The following LRRC51 variants were observed in gnomAD, a reference collection of about 807,000 sequenced individuals.
The protein encoded by LRRC51 is leucine-rich repeat-containing protein 51.
In LRRC51, 8 loss-of-function variants were observed where a neutral mutation model predicts 17.8. The observed-to-expected ratio is 0.45, with a 90% CI of 0.26 to 0.81. The LOEUF (loss-of-function observed/expected upper bound fraction) is 0.81, where lower values mean the gene tolerates loss of function less well. Among genes scored for constraint, LRRC51 ranks in the 30% least tolerant of loss-of-function variants. The probability of loss-of-function intolerance (pLI) is 0.17; values close to 1 mark genes in which losing one functional copy is unlikely to be tolerated. For missense variants in LRRC51, 233 were observed against 239.3 expected, an observed-to-expected ratio of 0.97 and a Z score of 0.17; for synonymous variants, 92 against 96.0, an observed-to-expected ratio of 0.96 and a Z score of 0.24.
intron 2 of LRRC51, 162 bp from the exon 3 acceptor site, chr11:72,088,867 T>C (rs1248344272): frequency 8.1e-6 from 6 of 742,138 alleles, no homozygotes; most frequent in Non-Finnish European, 6.5e-6. Flanking sequence ...TAGAAAGTGC[T>C]CTATACATGC....
At chr11:72,086,580 A>G in intron 1 of LRRC51, 1 of 645,730 alleles carries the variant, frequency 1.5e-6, no homozygotes, top group Non-Finnish European at 2.8e-6. Context: ...TATGTTGGAT[A>G]ATGAATAAGA....
At position 72,096,761 on chromosome 11, in the gene LRRC51, G is replaced by C. The variant is rs751630162; in HGVS notation, c.*1241G>C. On this transcript the variant is annotated 3_prime_UTR_variant, in exon 6 of 6. Transcript: ENST00000289488. ...GTAGAGATGCCTCACAGGCCTCCAT[G>C]ACAGGCCAAGAAGATGGCCTATGAT... is the stretch of plus-strand genomic sequence containing the variant. 6.7e-7 allele frequency: 1 copy of C among 1,483,954 alleles called. No homozygotes were observed. Among genetic ancestry groups the C allele is most frequent in the South Asian group, 1.3e-5 (1 of 74,412 alleles). 91.9% of individuals were successfully genotyped at this position (1,483,954 alleles called of 1,614,324 possible). A position where few individuals can be genotyped will look rare whatever the true frequency, so the allele number is the denominator to read the frequency against.
chr11:72,088,086 T>C (rs551693443), intron 1 of LRRC51, among the ~76,000 whole-genome samples: 2 of 152,308 alleles, frequency 1.3e-5, no homozygotes, highest in East Asian at 1.9e-4. Context: ...CCTTGTCAAT[T>C]TGTCTTTTGC....
At chr11:72,088,239 A>G in intron 1 of LRRC51, 58 bp from the exon 2 acceptor site, 1 of 630,720 alleles carries the variant, frequency 1.6e-6, no homozygotes, top group Non-Finnish European at 2.9e-6. Context: ...CGATCTGATA[A>G]GACAATTCAC....
At chr11:72,091,777 G>C (rs1944877982) in intron 3 of LRRC51, among the ~76,000 whole-genome samples, 1 of 152,066 alleles carries the variant, frequency 6.6e-6, no homozygotes, top group Admixed American at 6.5e-5. Flanking sequence ...GTAGAGACGG[G>C]GTTTCATGAT....
chr11:72,095,045 TC>T lies in LRRC51; in HGVS notation c.388del (p.Arg130ValfsTer3), dbSNP rs886048628. ...AATAAGCTGGCTGTCCTTCCTCGGCTCCGTAGCCTGACACTCCATGGGAACC... is the reference window on the plus strand; with the variant it reads ...AATAAGCTGGCTGTCCTTCCTCGGCTCGTAGCCTGACACTCCATGGGAACC... Reference protein sequence around the residue: ...EVNKLAVLPRLRSLTLHGNPM... With the variant: ...EVNKLAVLPRXRSLTLHGNPM... On this transcript the variant is annotated frameshift_variant, in exon 5 of 6. Coordinates refer to ENST00000289488, the MANE Select transcript of LRRC51 (RefSeq NM_145309.6). LOFTEE classifies it high-confidence loss of function. 2 of 1,613,776 alleles carry T rather than the reference TC, an allele frequency of 1.2e-6. No individual in the cohort carries two copies. The highest frequency in any genetic ancestry group is 2.2e-5 in the East Asian group (1 of 44,870).
intron 4 of LRRC51, 54 bp from the exon 5 acceptor site, chr11:72,094,894 G>C: frequency 6.2e-7 from 1 of 1,614,186 alleles, no homozygotes; most frequent in African/African-American, 1.3e-5. Flanking sequence ...GCCCTGAGCA[G>C]AGATTCAGGG....
rs1363767803 is a variant in LRRC51, at chr11:72,096,730, G to A, written c.*1210G>A. 16 of 1,540,400 alleles carry A rather than the reference G, an allele frequency of 1.0e-5. No homozygotes were observed. Among genetic ancestry groups the A allele is most frequent in the Non-Finnish European group, 1.4e-5 (16 of 1,141,240 alleles). ...TTTCCAAACTCTTCACAGAGTACCA[G>A]GGTCTGTAGAGATGCCTCACAGGCC... On this transcript the variant is annotated 3_prime_UTR_variant, in exon 6 of 6. Transcript: ENST00000289488.
rs1019677861 is a variant in LRRC51 at position 72,091,390 on chromosome 11, A to G, written c.83-2106A>G. ...TACCCTCCTGCAACCCCAGGCCCCA[A>G]TTGTGGGTCCTGCTCACTCTAGGAT... On this transcript the variant is annotated intron_variant, in intron 3 of 5. Transcript: ENST00000289488. 1.2e-4 allele frequency among the ~76,000 whole-genome samples: 19 copies of G among 152,170 alleles called. 1 individual carries two copies. The East Asian group carries it at 1.5e-3, about 12-fold the overall frequency.
chr11:72,096,661 G>T lies in LRRC51; in HGVS notation c.*1141G>T. On this transcript the variant is annotated 3_prime_UTR_variant, in exon 6 of 6. Transcript: ENST00000289488. ...TTTATCTAACTCTCTGGGCCCCTTT[G>T]TACTTTTCAGCTTAGAGATTTGGGG... 6.5e-7 allele frequency: 1 copy of T among 1,542,690 alleles called. No individual in the cohort carries two copies. The highest frequency in any genetic ancestry group is 8.7e-7 in the Non-Finnish European group (1 of 1,142,986).
intron 3 of LRRC51, among the ~76,000 whole-genome samples, chr11:72,092,373 A>T (rs1421680776): frequency 6.6e-6 from 1 of 152,088 alleles, no homozygotes; most frequent in African/African-American, 2.4e-5. Context: ...CCACCCTTTA[A>T]TATTCTTCTA....
In LRRC51 at chr11:72,093,542, T is replaced by C. The variant is rs771738240; in HGVS notation, c.129T>C (p.Arg43=). ...GGACAGGACTACGACCACTGAAGCGTTCAAAGTCGGGGAAATCACTGACCC... is the reference window on the plus strand; with the variant it reads ...GGACAGGACTACGACCACTGAAGCGCTCAAAGTCGGGGAAATCACTGACCC... ...EPRTGLRPLK[R]SKSGKSLTQS... is the part of the protein sequence containing the mutation. The change falls in exon 4 of 6, where the codon CGT becomes CGC. Residue 43 remains arginine, a synonymous_variant. Coordinates refer to ENST00000289488, the MANE Select transcript of LRRC51 (RefSeq NM_145309.6). 2.6e-5 allele frequency: 42 copies of C among 1,614,052 alleles called. No homozygotes were observed. The East Asian group carries it at 8.9e-4, about 34-fold the overall frequency.
chr11:72,090,781 A>C (rs780353196), intron 3 of LRRC51, among the ~76,000 whole-genome samples: 2 of 152,198 alleles, frequency 1.3e-5, no homozygotes. Context: ...GTGTTAAGGA[A>C]GTCCCCCACC....
chr11:72,088,963 T>C (rs1944696562), intron 2 of LRRC51, 66 bp from the exon 3 acceptor site: 3 of 1,581,594 alleles, frequency 1.9e-6, no homozygotes, highest in Non-Finnish European at 8.6e-7. Context: ...AAAGCAGGGA[T>C]GGAGGACTAT....
intron 1 of LRRC51, among the ~76,000 whole-genome samples, chr11:72,083,271 C>G (rs1944346485): frequency 6.6e-6 from 1 of 152,300 alleles, no homozygotes; most frequent in Admixed American, 6.5e-5. Context: ...GTTATATAAC[C>G]TTTAAGGTCT....
At position 72,095,640 on chromosome 11, in the gene LRRC51, C is replaced by T; in HGVS notation, c.*120C>T. 6.5e-7 allele frequency: 1 copy of T among 1,544,850 alleles called. No individual in the cohort carries two copies. The highest frequency in any genetic ancestry group is 8.7e-7 in the Non-Finnish European group (1 of 1,144,168). On this transcript the variant is annotated 3_prime_UTR_variant, in exon 6 of 6. Coordinates refer to ENST00000289488, the MANE Select transcript of LRRC51 (RefSeq NM_145309.6). ...TACACCTTGTAGAGATGTTCTCTAA[C>T]TCAGGCAACTGCAAGTAGCTCTAGC...
intron 4 of LRRC51, among the ~76,000 whole-genome samples, chr11:72,094,164 T>C (rs1042444966): frequency 5.9e-5 from 9 of 151,800 alleles, no homozygotes; most frequent in Non-Finnish European, 1.0e-4. Context: ...CGGGCGCCTG[T>C]AGTCCCAGCT....
intron 3 of LRRC51, among the ~76,000 whole-genome samples, chr11:72,091,053 A>G (rs1209736040): frequency 6.6e-6 from 1 of 152,168 alleles, no homozygotes; most frequent in Admixed American, 6.5e-5. Flanking sequence ...AGTGTAGTGC[A>G]TTGGTGGAAT....
chr11:72,081,939 G>A (rs929454912), intron 1 of LRRC51, among the ~76,000 whole-genome samples: 1 of 152,160 alleles, frequency 6.6e-6, no homozygotes, highest in Non-Finnish European at 1.5e-5. Flanking sequence ...GAAACCCAGA[G>A]AAAAGGGACT....
Sources: gnomAD v4.1 joint callset for allele counts (sites outside exome capture counted in the v4.1 genomes callset) on GRCh38, gnomAD v4.1.1 for gene constraint, MANE v1.5 for transcripts, NCBI Gene and HGNC (gene_info 2026-07-23, HGNC 2026-07-21) for gene names.